Variants in ABCC4 observed in about 807,000 individuals in gnomAD.
ABCC4 encodes the protein ATP binding cassette subfamily C member 4 (PEL blood group).
In ABCC4, 102 loss-of-function variants were observed where a neutral mutation model predicts 168.5. The ratio of observed to expected loss-of-function variants is 0.61; its 90% CI spans 0.52 to 0.71. The LOEUF (loss-of-function observed/expected upper bound fraction) is 0.71, where lower values mean the gene tolerates loss of function less well. ABCC4 is among the 30% of genes least tolerant of loss of function. The pLI, the probability that ABCC4 is intolerant of heterozygous loss-of-function variation, is 0.00. For missense variants in ABCC4, 1,402 were observed against 1,605.8 expected (o/e 0.87, Z 2.17); for synonymous variants, 617 against 590.7 (o/e 1.04, Z -0.65).
chr13:95,233,186 T>C (rs1438183384), intron 4 of ABCC4, among the ~76,000 whole-genome samples: 1 of 152,190 alleles, frequency 6.6e-6, no homozygotes, highest in Non-Finnish European at 1.5e-5. Flanking sequence ...TTAAATAATG[T>C]ACACTTTACA....
chr13:95,239,449 G>A (rs2039870122), intron 3 of ABCC4, among the ~76,000 whole-genome samples: 1 of 152,196 alleles, frequency 6.6e-6, no homozygotes, highest in African/African-American at 2.4e-5. Flanking sequence ...AGGAAAAATG[G>A]TTGATTCCAC....
At chr13:95,053,048 ACATACT>A in intron 27 of ABCC4, 41 bp downstream of exon 27, 1 of 1,505,850 alleles carries the variant, frequency 6.6e-7, no homozygotes, top group Non-Finnish European at 9.2e-7. Flanking sequence ...GTACATATAC[ACATACT>A]GAGGCTAACA....
chr13:95,286,123 C>CTTTTTTTTTTTTTTTTTTTTTTT (rs773328777), intron 1 of ABCC4, among the ~76,000 whole-genome samples: 1 of 105,522 alleles, frequency 9.5e-6, no homozygotes, highest in Non-Finnish European at 1.9e-5. Flanking sequence ...TCCAGAAAAA[C>CTTTTTTTTTTTTTTTTTTTTTTT]TTTTTTTTTT....
chr13:95,080,717 C>T (rs1238068666), intron 21 of ABCC4, among the ~76,000 whole-genome samples: 2 of 152,194 alleles, frequency 1.3e-5, no homozygotes, highest in East Asian at 1.9e-4. Context: ...AAGTGATCCA[C>T]CCACCTCGGC....
At chr13:95,181,861 G>C (rs976652221) in intron 11 of ABCC4, among the ~76,000 whole-genome samples, 1 of 152,146 alleles carries the variant, frequency 6.6e-6, no homozygotes, top group Non-Finnish European at 1.5e-5. Flanking sequence ...AGGCAATACT[G>C]AAACAACTCA....
intron 1 of ABCC4, among the ~76,000 whole-genome samples, chr13:95,269,708 A>G (rs964638127): frequency 2.0e-5 from 3 of 152,204 alleles, no homozygotes; most frequent in Non-Finnish European, 4.4e-5. Context: ...TAAAAAATGT[A>G]GTGAGAAGGT....
At chr13:95,286,788 G>C (rs529412848) in intron 1 of ABCC4, among the ~76,000 whole-genome samples, 9 of 150,332 alleles carry the variant, frequency 6.0e-5, no homozygotes, top group East Asian at 2.0e-4. Flanking sequence ...GAAACCCCTT[G>C]TCTACTAAAA....
intron 26 of ABCC4, chr13:95,055,679 T>TC (rs1390110530): frequency 6.6e-6 from 1 of 152,030 alleles, no homozygotes; most frequent in Non-Finnish European, 1.5e-5. Context: ...GGTCAGAAGT[T>TC]CAAGACCAGC....
chr13:95,158,094 CAG>C (rs1594201567), intron 19 of ABCC4, among the ~76,000 whole-genome samples: 1 of 147,210 alleles, frequency 6.8e-6, no homozygotes, highest in East Asian at 2.0e-4. Flanking sequence ...AAAAAAGAAA[CAG>C]AAACTTCGCT....
chr13:95,230,989 T>C (rs1486042705), intron 4 of ABCC4, among the ~76,000 whole-genome samples: 2 of 152,220 alleles, frequency 1.3e-5, no homozygotes, highest in Non-Finnish European at 2.9e-5. Flanking sequence ...ACAACACAGA[T>C]AATCCCTGAA....
intron 30 of ABCC4, among the ~76,000 whole-genome samples, chr13:95,024,014 C>T (rs1035093827): frequency 6.6e-6 from 1 of 152,018 alleles, no homozygotes; most frequent in Non-Finnish European, 1.5e-5. Context: ...TGAGACCAGC[C>T]TGGCCAACAT....
intron 1 of ABCC4, among the ~76,000 whole-genome samples, chr13:95,267,427 T>A (rs2040715094): frequency 6.6e-6 from 1 of 152,222 alleles, no homozygotes; most frequent in African/African-American, 2.4e-5. Flanking sequence ...CACATGGAAC[T>A]GTCCATTAAA....
chr13:95,177,484 C>T lies in ABCC4; in HGVS notation c.1727+223G>A, dbSNP rs948244613. Among the ~76,000 whole-genome samples the T allele has an allele frequency of 2.0e-5, 3 of 152,208 alleles. No homozygotes were observed. The South Asian group carries it at 6.2e-4, about 31-fold the overall frequency. Reference sequence around the variant, plus strand: ...TCTCAACTCCCTAAAACATGATACACTCCACTCACTGCAACACACTGAAAT... The same window carrying T: ...TCTCAACTCCCTAAAACATGATACATTCCACTCACTGCAACACACTGAAAT... On this transcript the variant is annotated intron_variant, in intron 13 of 30. Transcript: ENST00000645237.
intron 13 of ABCC4, among the ~76,000 whole-genome samples, chr13:95,176,113 G>C (rs2037676002): frequency 6.6e-6 from 1 of 151,230 alleles, no homozygotes; most frequent in Non-Finnish European, 1.5e-5. Flanking sequence ...CCGGCCCTCA[G>C]TGACCTTTCC....
chr13:95,122,177 G>A (rs1212265680), intron 19 of ABCC4, among the ~76,000 whole-genome samples: 1 of 151,712 alleles, frequency 6.6e-6, no homozygotes, highest in Non-Finnish European at 1.5e-5. Context: ...TTCTCTTCTC[G>A]AACTTTGCTC....
intron 4 of ABCC4, among the ~76,000 whole-genome samples, chr13:95,223,306 G>A (rs1392538203): frequency 3.3e-5 from 5 of 152,124 alleles, no homozygotes; most frequent in African/African-American, 1.2e-4. Flanking sequence ...GGGCAATAAA[G>A]AAAGCAGTCT....
Position 95,034,680 on chromosome 13 carries a change from T to C in ABCC4, c.3795A>G (p.Lys1265=), listed in dbSNP as rs185212700. The change falls in exon 30 of 31, where the codon AAA becomes AAG. Residue 1265 remains lysine (K), a synonymous_variant. Transcript: ENST00000645237. ...YDEPYVLLQN[K]ESLFYKMVQQ... ...GCACCATCTTGTAAAATAGGCTCTCTTTATTTTGCAGCAAAACATACGGCT... is the reference window on the plus strand; with the variant it reads ...GCACCATCTTGTAAAATAGGCTCTCCTTATTTTGCAGCAAAACATACGGCT... The C allele has an allele frequency of 6.8e-5, 109 of 1,614,258 alleles. No homozygotes were observed. The East Asian group carries it at 2.3e-3, about 34-fold the overall frequency.
At chr13:95,287,742 C>A (rs564609601) in intron 1 of ABCC4, among the ~76,000 whole-genome samples, 2 of 151,746 alleles carry the variant, frequency 1.3e-5, no homozygotes, top group Non-Finnish European at 2.9e-5. Flanking sequence ...CACAGAAAGA[C>A]CTCATAAATA....
intron 4 of ABCC4, among the ~76,000 whole-genome samples, chr13:95,223,432 T>A (rs1021428978): frequency 5.3e-5 from 8 of 152,218 alleles, no homozygotes; most frequent in African/African-American, 7.2e-5. Context: ...TGGGTTAGTA[T>A]GTTCAAAGAA....
Sources: allele counts gnomAD v4.1 joint callset (sites outside exome capture counted in the v4.1 genomes callset), GRCh38; gene constraint gnomAD v4.1.1; transcripts MANE v1.5; gene names NCBI Gene and HGNC (gene_info 2026-07-23, HGNC 2026-07-21).